The following PROS1 variants were observed in gnomAD, a reference collection of about 807,000 sequenced individuals.
The protein encoded by PROS1 is vitamin K-dependent protein S.
Under a neutral mutation model 75.9 loss-of-function variants are expected in PROS1, and 29 were observed. The ratio of observed to expected loss-of-function variants is 0.38; its 90% CI spans 0.28 to 0.52. The LOEUF (loss-of-function observed/expected upper bound fraction) is 0.52. Among genes scored for constraint, PROS1 ranks in the 20% least tolerant of loss-of-function variants. PROS1 has a pLI of 0.83. For synonymous variants in PROS1, 245 were observed against 280.6 expected (o/e 0.87, Z 1.27); for missense variants, 680 against 810.3 (o/e 0.84, Z 1.95).
At chr3:93,905,149 T>C (rs1301098297) in intron 6 of PROS1, among the ~76,000 whole-genome samples, 1 of 152,152 alleles carries the variant, frequency 6.6e-6, no homozygotes, top group East Asian at 1.9e-4. Flanking sequence ...GAATAAAAAA[T>C]ATAATGTCTG....
At chr3:93,914,287 G>T (rs952858940) in intron 3 of PROS1, among the ~76,000 whole-genome samples, 6 of 152,230 alleles carry the variant, frequency 3.9e-5, no homozygotes, top group African/African-American at 1.4e-4. Context: ...ACACCCCCAG[G>T]CTGCCCATAA....
intron 9 of PROS1, among the ~76,000 whole-genome samples, chr3:93,893,583 A>C (rs1231841628): frequency 6.6e-6 from 1 of 152,090 alleles, no homozygotes; most frequent in Non-Finnish European, 1.5e-5. Flanking sequence ...AGTGATCATA[A>C]AATGTGTTAC....
At chr3:93,949,607 A>G (rs1425206282) in intron 1 of PROS1, among the ~76,000 whole-genome samples, 1 of 151,642 alleles carries the variant, frequency 6.6e-6, no homozygotes, top group African/African-American at 2.4e-5. Context: ...AATCTATAAG[A>G]AAAAAAGCTC....
chr3:93,919,590 A>G (rs1307081476), intron 3 of PROS1, among the ~76,000 whole-genome samples: 1 of 152,126 alleles, frequency 6.6e-6, no homozygotes, highest in Non-Finnish European at 1.5e-5. Flanking sequence ...CTCTCTTGTA[A>G]GATAAATTCT....
Position 93,873,167 on chromosome 3 carries a change from T to C in PROS1, c.*1078A>G, listed in dbSNP as rs1708131928. On this transcript the variant is annotated 3_prime_UTR_variant, in exon 15 of 15. Coordinates refer to ENST00000394236, the MANE Select transcript of PROS1 (RefSeq NM_000313.4). ...TATAAAATACAGTGAAAAGAATTTA[T>C]TGTTAAAAACTGTCAGTGAAACATC... The C allele has an allele frequency of 6.6e-6, 1 of 152,230 alleles. No homozygotes were observed. Among genetic ancestry groups the C allele is most frequent in the Non-Finnish European group, 1.5e-5 (1 of 68,032 alleles). The allele number at this position is 152,230 out of a possible 1,614,324, so 9.4% of individuals were successfully genotyped here. A position where few individuals can be genotyped will look rare whatever the true frequency, so the allele number is the denominator to read the frequency against.
intron 1 of PROS1, among the ~76,000 whole-genome samples, chr3:93,934,207 T>C (rs1709148958): frequency 6.6e-6 from 1 of 150,688 alleles, no homozygotes; most frequent in Non-Finnish European, 1.5e-5. Context: ...TAGTTAATAA[T>C]GGTAAAAAAA....
chr3:93,933,809 G>C (rs1369566510), intron 1 of PROS1, among the ~76,000 whole-genome samples: 1 of 151,600 alleles, frequency 6.6e-6, no homozygotes. Context: ...AGGAGTTTGA[G>C]ATCAGCCTGG....
rs138227513 is a variant in PROS1, at chr3:93,892,981, G to A, written c.1107C>T (p.Ser369=). Residue 369 remains serine (S), a synonymous_variant, in exon 10 of 15, where the codon TCC becomes TCT. Transcript: ENST00000394236. ...TAACATCACCTCCAGTTGTGATTTT[G>A]GATGTATGTTCATTCTTAAGCTGAA... ...IEVQLKNEHT[S]KITTGGDVIN... 7 of 1,612,994 alleles carry A rather than the reference G, an allele frequency of 4.3e-6. No individual in the cohort carries two copies. In the African/African-American group the frequency reaches 9.3e-5, roughly 22 times the overall value.
At chr3:93,963,878 C>T (rs1709745918) in intron 1 of PROS1, among the ~76,000 whole-genome samples, 1 of 152,180 alleles carries the variant, frequency 6.6e-6, no homozygotes, top group Non-Finnish European at 1.5e-5. Flanking sequence ...CTTCCCTCCC[C>T]TCCCCTTCCG....
chr3:93,956,233 C>T (rs1274192698), intron 1 of PROS1, among the ~76,000 whole-genome samples: 1 of 152,028 alleles, frequency 6.6e-6, no homozygotes, highest in African/African-American at 2.4e-5. Flanking sequence ...TTTGGTTATA[C>T]TCTAGAAAGA....
chr3:93,874,566 C>T (rs545940105), intron 14 of PROS1, among the ~76,000 whole-genome samples, 161 bp from the exon 15 acceptor site: 1 of 152,126 alleles, frequency 6.6e-6, no homozygotes, highest in African/African-American at 2.4e-5. Context: ...TAAGTGACGC[C>T]GATATACATG....
rs913550159 is a variant in PROS1, at chr3:93,894,223, G to A, written c.966-1101C>T. ...AGAGGCACCATTTGCAATGGGGCAC[G>A]TATCTCCCTCAAATGGAACAAAGAA... On this transcript the variant is annotated intron_variant, in intron 9 of 14. Coordinates refer to ENST00000394236, the MANE Select transcript of PROS1 (RefSeq NM_000313.4). Among the ~76,000 whole-genome samples, 6 of 152,180 alleles carry A rather than the reference G, an allele frequency of 3.9e-5. No homozygotes were observed. In the East Asian group the frequency reaches 5.8e-4, roughly 15 times the overall value.
intron 1 of PROS1, among the ~76,000 whole-genome samples, chr3:93,945,384 T>C (rs926105483): frequency 6.6e-6 from 1 of 152,184 alleles, no homozygotes; most frequent in African/African-American, 2.4e-5. Context: ...CCAATATCCC[T>C]GATGAACATT....
rs754356253 is a variant in PROS1, at chr3:93,905,777, C to T, written c.601+7G>A. On this transcript the variant is annotated splice_region_variant and intron_variant, in intron 6 of 14. Transcript: ENST00000394236. ...AATGTGTTTTAATTCTACCATCCTG[C>T]TCTTACCTTTACAATCTTTCTTATT... 6.2e-7 allele frequency: 1 copy of T among 1,610,850 alleles called. No individual in the cohort carries two copies. Among genetic ancestry groups the T allele is most frequent in the Non-Finnish European group, 8.5e-7 (1 of 1,177,142 alleles).
rs549214300 is a variant in PROS1, at chr3:93,942,061, C to G, written c.77-14654G>C. 3.9e-5 allele frequency among the ~76,000 whole-genome samples: 6 copies of G among 152,200 alleles called. No homozygotes were observed. The South Asian group carries it at 1.0e-3, about 26-fold the overall frequency. On this transcript the variant is annotated intron_variant, in intron 1 of 14. Transcript: ENST00000394236. The stretch of plus-strand genomic sequence containing the variant: ...TCCACTTGACATTCATTCCATTTCC[C>G]CATATTTCCTTCTTTCCTGTTCCTC...
intron 1 of PROS1, among the ~76,000 whole-genome samples, chr3:93,954,312 C>A (rs1232836676): frequency 1.3e-5 from 2 of 152,154 alleles, no homozygotes; most frequent in Non-Finnish European, 2.9e-5. Context: ...ATCTTGCTAC[C>A]TCACTTCAAA....
intron 1 of PROS1, among the ~76,000 whole-genome samples, chr3:93,945,103 CAAG>C (rs1709362373): frequency 6.6e-6 from 1 of 151,952 alleles, no homozygotes; most frequent in African/African-American, 2.4e-5. Context: ...TGCACCCTCC[CAAG>C]AAGAAGTTGA....
chr3:93,922,746 C>T (rs1322673426), intron 3 of PROS1, among the ~76,000 whole-genome samples: 2 of 151,568 alleles, frequency 1.3e-5, no homozygotes, highest in Non-Finnish European at 2.9e-5. Context: ...CATCAAATAA[C>T]AAAAAAAGTG....
chr3:93,925,915 A>G (rs560356436), intron 2 of PROS1, among the ~76,000 whole-genome samples: 151 of 151,334 alleles, frequency 1.0e-3, no homozygotes, highest in African/African-American at 3.6e-3. Flanking sequence ...CAATGAGACC[A>G]ATGCTAGAAT....
Sources: gnomAD v4.1 joint callset for allele counts (sites outside exome capture counted in the v4.1 genomes callset) on GRCh38, gnomAD v4.1.1 for gene constraint, MANE v1.5 for transcripts, NCBI Gene and HGNC (gene_info 2026-07-23, HGNC 2026-07-21) for gene names.